DZIP3: variants seen among roughly 807,000 people sequenced by gnomAD.
DZIP3 encodes E3 ubiquitin-protein ligase DZIP3.
Under a neutral mutation model 162.0 loss-of-function variants are expected in DZIP3, and 118 were observed. The ratio of observed to expected loss-of-function variants is 0.73; its 90% CI spans 0.63 to 0.85. The LOEUF (loss-of-function observed/expected upper bound fraction) is 0.85. DZIP3 is among the 40% of genes least tolerant of loss of function. The pLI, the probability that DZIP3 is intolerant of heterozygous loss-of-function variation, is 0.00. For synonymous variants in DZIP3, 438 were observed against 458.6 expected (o/e 0.96, Z 0.57); for missense variants, 1,331 against 1,407.0 (o/e 0.95, Z 0.86).
chr3:108,614,809 A>C (rs549027909), intron 4 of DZIP3, among the ~76,000 whole-genome samples: 3 of 152,148 alleles, frequency 2.0e-5, no homozygotes, highest in Non-Finnish European at 4.4e-5. Flanking sequence ...GAGTTTTCCA[A>C]AATTTCCCCG....
chr3:108,634,052 C>T (rs1336512380), intron 9 of DZIP3, among the ~76,000 whole-genome samples: 2 of 146,000 alleles, frequency 1.4e-5, no homozygotes, highest in African/African-American at 4.9e-5. Context: ...ATGTGAAAAT[C>T]AGACAATACT....
chr3:108,599,489 T>C (rs541504787), intron 1 of DZIP3, among the ~76,000 whole-genome samples: 1 of 152,350 alleles, frequency 6.6e-6, no homozygotes, highest in South Asian at 2.1e-4. Context: ...AAAATAATGG[T>C]GCAACTTGTT....
chr3:108,657,150 A>T (rs1471492150), intron 19 of DZIP3, among the ~76,000 whole-genome samples: 1 of 152,206 alleles, frequency 6.6e-6, no homozygotes, highest in Non-Finnish European at 1.5e-5. Context: ...CCACAAAGAT[A>T]CTACTCGAGA....
intron 23 of DZIP3, among the ~76,000 whole-genome samples, chr3:108,673,626 C>G (rs929526591): frequency 5.3e-5 from 8 of 151,900 alleles, no homozygotes; most frequent in Non-Finnish European, 1.0e-4. Flanking sequence ...AAGCCCGTTT[C>G]TGTCTTTCTG....
rs993338613 is a variant in DZIP3 at position 108,642,586 on chromosome 3, T to C, written c.1141+72T>C. On this transcript the variant is annotated intron_variant, in intron 13 of 32. Coordinates refer to ENST00000361582, the MANE Select transcript of DZIP3 (RefSeq NM_014648.4). Reference sequence around the variant, plus strand: ...TTTTTGACTTCTCTGTCAACTTTCATGCCATTAACAACCACGTCTTTACTG... The same window carrying C: ...TTTTTGACTTCTCTGTCAACTTTCACGCCATTAACAACCACGTCTTTACTG... 5.1e-6 allele frequency: 7 copies of C among 1,372,064 alleles called. No homozygotes were observed. The African/African-American group carries it at 1.0e-4, about 20-fold the overall frequency. 85.0% of individuals were successfully genotyped at this position (1,372,064 alleles called of 1,614,324 possible).
intron 24 of DZIP3, among the ~76,000 whole-genome samples, chr3:108,674,850 A>G (rs1248153599): frequency 1.3e-5 from 2 of 151,896 alleles, no homozygotes; most frequent in South Asian, 2.1e-4. Flanking sequence ...TTATTTTTAA[A>G]TGATTATTAT....
intron 21 of DZIP3, among the ~76,000 whole-genome samples, chr3:108,665,022 A>G (rs1345433651): frequency 6.6e-6 from 1 of 152,226 alleles, no homozygotes; most frequent in Non-Finnish European, 1.5e-5. Flanking sequence ...TGCTAAAAAT[A>G]GGAAGATTAA....
intron 10 of DZIP3, 87 bp downstream of exon 10, chr3:108,635,059 C>CATAA: frequency 1.4e-6 from 1 of 735,714 alleles, no homozygotes; most frequent in South Asian, 2.2e-5. Flanking sequence ...TCTTCCTGTT[C>CATAA]ATAACTTCCC....
chr3:108,637,537 T>G lies in DZIP3; in HGVS notation c.1053T>G (p.Asn351Lys). The change falls in exon 12 of 33, where the codon AAT becomes AAG. Residue 351 changes from asparagine (N) to lysine (K), a missense_variant. Asn to Lys is a moderately conservative substitution (Grantham distance 94). Transcript: ENST00000361582. ...VRKDEYITIE[N>K]LGASYRKLIS... ...AGGATGAATATATCACCATTGAAAA[T>G]TTAGGAGCAAGGTAAGCTTAAAATA... 5 of 1,610,428 alleles carry G rather than the reference T, an allele frequency of 3.1e-6. No individual in the cohort carries two copies. The highest frequency in any genetic ancestry group is 4.2e-6 in the Non-Finnish European group (5 of 1,178,608).
chr3:108,624,354 A>G, intron 5 of DZIP3, 90 bp from the exon 6 acceptor site: 1 of 687,630 alleles, frequency 1.5e-6, no homozygotes, highest in African/African-American at 1.9e-5. Flanking sequence ...TTTAATAATT[A>G]TTAATTAAGC....
chr3:108,651,429 T>C (rs929907256), intron 18 of DZIP3, among the ~76,000 whole-genome samples: 3 of 151,730 alleles, frequency 2.0e-5, no homozygotes, highest in African/African-American at 7.2e-5. Flanking sequence ...TTTTAAAATA[T>C]AGTCTACATT....
At chr3:108,632,913 T>G (rs1941953401) in intron 8 of DZIP3, 40 bp from the exon 9 acceptor site, 1 of 1,172,608 alleles carries the variant, frequency 8.5e-7, no homozygotes, top group Non-Finnish European at 1.1e-6. Context: ...TAATTTATTA[T>G]TAGTAATTCA....
chr3:108,597,338 CAT>C (rs1939764663), intron 1 of DZIP3, among the ~76,000 whole-genome samples: 1 of 151,892 alleles, frequency 6.6e-6, no homozygotes, highest in African/African-American at 2.4e-5. Context: ...CCCCCATTTT[CAT>C]ATCTTATACC....
At position 108,616,570 on chromosome 3, in the gene DZIP3, T is replaced by C. The variant is rs1335586846; in HGVS notation, c.288T>C (p.Gly96=). The C allele has an allele frequency of 1.2e-6, 2 of 1,610,564 alleles. No homozygotes were observed. Among genetic ancestry groups the C allele is most frequent in the South Asian group, 2.2e-5 (2 of 90,566 alleles). The change falls in exon 5 of 33, where the codon GGT becomes GGC. Residue 96 remains glycine, a synonymous_variant. Coordinates refer to ENST00000361582, the MANE Select transcript of DZIP3 (RefSeq NM_014648.4). ...AAGTTGCAGCTAACAGCCAGAATGGTGAGGAAATTGTTCCTGCTTTGACTT... is the reference window on the plus strand; with the variant it reads ...AAGTTGCAGCTAACAGCCAGAATGGCGAGGAAATTGTTCCTGCTTTGACTT... ...QREVAANSQN[G]EEIVPALTLR...
Position 108,694,808 on chromosome 3 carries a change from C to G in DZIP3, c.*1455C>G, listed in dbSNP as rs1310914014. 1 of 152,196 alleles carries G rather than the reference C, an allele frequency of 6.6e-6. No homozygotes were observed. The highest frequency in any genetic ancestry group is 1.5e-5 in the Non-Finnish European group (1 of 68,016). 9.4% of individuals were successfully genotyped at this position (152,196 alleles called of 1,614,324 possible). On this transcript the variant is annotated 3_prime_UTR_variant, in exon 33 of 33. Coordinates refer to ENST00000361582, the MANE Select transcript of DZIP3 (RefSeq NM_014648.4). ...ATACTTACAACTGCAATTTCACTTTCATTTAGAAAAGAATAAATGTTTCTT... is the reference window on the plus strand; with the variant it reads ...ATACTTACAACTGCAATTTCACTTTGATTTAGAAAAGAATAAATGTTTCTT...
intron 19 of DZIP3, 62 bp downstream of exon 19, chr3:108,654,372 C>A: frequency 6.4e-7 from 1 of 1,563,802 alleles, no homozygotes; most frequent in East Asian, 2.3e-5. Context: ...TCCTGTGACT[C>A]TTTAAACAGC....
chr3:108,647,095 T>C (rs1942656647), intron 15 of DZIP3, among the ~76,000 whole-genome samples: 1 of 152,166 alleles, frequency 6.6e-6, no homozygotes, highest in African/African-American at 2.4e-5. Context: ...TCTGGCTGAA[T>C]CGAGAATGAG....
intron 1 of DZIP3, among the ~76,000 whole-genome samples, chr3:108,600,232 G>T (rs1939931466): frequency 6.6e-6 from 1 of 152,102 alleles, no homozygotes; most frequent in South Asian, 2.1e-4. Context: ...TGATCTTCTG[G>T]AGTACATTTA....
intron 1 of DZIP3, among the ~76,000 whole-genome samples, chr3:108,597,278 A>G (rs1046025331): frequency 2.0e-5 from 3 of 152,156 alleles, no homozygotes; most frequent in African/African-American, 7.2e-5. Flanking sequence ...ATTTCACAGC[A>G]TTCAACTTTA....
Sources: gnomAD v4.1 joint callset for allele counts (sites outside exome capture counted in the v4.1 genomes callset) on GRCh38, gnomAD v4.1.1 for gene constraint, MANE v1.5 for transcripts, NCBI Gene and HGNC (gene_info 2026-07-23, HGNC 2026-07-21) for gene names.